The following ADARB2 variants were observed in gnomAD, a reference collection of about 807,000 sequenced individuals.
ADARB2 encodes the protein adenosine deaminase RNA specific B2 (inactive).
In ADARB2, 25 loss-of-function variants were observed where a neutral mutation model predicts 62.2. That is an observed-to-expected ratio of 0.40 (90% CI 0.29 to 0.56). The LOEUF is 0.56. Ranked by LOEUF, ADARB2 falls within the 20% of genes least tolerant of loss-of-function variation. ADARB2 has a pLI of 0.43. For missense variants in ADARB2, 1,071 were observed against 1,077.4 expected, an observed-to-expected ratio of 0.99 and a Z score of 0.08; for synonymous variants, 572 against 500.8, an observed-to-expected ratio of 1.14 and a Z score of -1.90.
chr10:1,395,089 T>C (rs1832600164), intron 1 of ADARB2, among the ~76,000 whole-genome samples: 1 of 152,252 alleles, frequency 6.6e-6, no homozygotes, highest in African/African-American at 2.4e-5. Flanking sequence ...GCTATTGTTT[T>C]ATATTCACTA....
rs1002574141 is a variant in ADARB2 at position 1,703,533 on chromosome 10, G to A, written c.100+33518C>T. 2.6e-5 allele frequency among the ~76,000 whole-genome samples: 4 copies of A among 152,106 alleles called. 1 individual carries two copies. Among genetic ancestry groups the A allele is most frequent in the East Asian group, 3.9e-4 (2 of 5,182 alleles). On this transcript the variant is annotated intron_variant, in intron 1 of 9. Coordinates refer to ENST00000381312, the MANE Select transcript of ADARB2 (RefSeq NM_018702.4). ...GGGGAGAGTTGATGGTGCAGGAGACGATGCAAGAACTGGAAAGTGAGGTAT... is the reference window on the plus strand; with the variant it reads ...GGGGAGAGTTGATGGTGCAGGAGACAATGCAAGAACTGGAAAGTGAGGTAT...
At chr10:1,500,008 G>T (rs1304880254) in intron 1 of ADARB2, among the ~76,000 whole-genome samples, 1 of 152,206 alleles carries the variant, frequency 6.6e-6, no homozygotes, top group African/African-American at 2.4e-5. Flanking sequence ...GCTATAAAAT[G>T]GTAGCCCACA....
Position 1,210,294 on chromosome 10 carries a change from C to T in ADARB2, c.1682+6657G>A, listed in dbSNP as rs1044551786. 5.3e-5 allele frequency among the ~76,000 whole-genome samples: 8 copies of T among 152,178 alleles called. No homozygotes were observed. In the East Asian group the frequency reaches 5.8e-4, roughly 11 times the overall value. On this transcript the variant is annotated intron_variant, in intron 7 of 9. Transcript: ENST00000381312. ...CTCATTTTAATACATGAAAGTGGCA[C>T]GAAGTCGGAGATCAAAAGCCAGCCA...
At chr10:1,480,202 G>T (rs1588272827) in intron 1 of ADARB2, among the ~76,000 whole-genome samples, 2 of 152,180 alleles carry the variant, frequency 1.3e-5, no homozygotes, top group African/African-American at 4.8e-5. Context: ...AATTAGGCAA[G>T]ATGAAAGAAG....
rs1834101407 is a variant in ADARB2 at position 1,650,878 on chromosome 10, C to T, written c.100+86173G>A. 2.0e-5 allele frequency among the ~76,000 whole-genome samples: 3 copies of T among 152,192 alleles called. No individual in the cohort carries two copies. The South Asian group carries it at 6.2e-4, about 32-fold the overall frequency. On this transcript the variant is annotated intron_variant, in intron 1 of 9. Transcript: ENST00000381312. ...CGTGGATGTAGCACGGTCACCAAAA[C>T]CCCGCGTGTCCGAGATGGTGGAGCA...
chr10:1,233,947 G>A (rs1183848583), intron 5 of ADARB2, 102 bp from the exon 6 acceptor site: 1 of 667,864 alleles, frequency 1.5e-6, no homozygotes, highest in African/African-American at 1.9e-5. Flanking sequence ...TGTTCCCCAA[G>A]TTTTCCTTTA....
chr10:1,220,257 GA>G (rs1452141854), intron 6 of ADARB2, among the ~76,000 whole-genome samples: 2 of 150,270 alleles, frequency 1.3e-5, no homozygotes, highest in Non-Finnish European at 3.0e-5. Flanking sequence ...TGGTGGTGGT[GA>G]TGATGGTGGT....
chr10:1,450,683 G>T (rs554140799), intron 1 of ADARB2, among the ~76,000 whole-genome samples: 1 of 152,340 alleles, frequency 6.6e-6, no homozygotes, highest in Admixed American at 6.5e-5. Context: ...TATTCTGAAG[G>T]TCATGGCAGG....
At chr10:1,548,234 A>T (rs1381284827) in intron 1 of ADARB2, among the ~76,000 whole-genome samples, 2 of 152,174 alleles carry the variant, frequency 1.3e-5, no homozygotes, top group African/African-American at 4.8e-5. Context: ...GGGGGAACTA[A>T]GCCCATTCCC....
At chr10:1,696,667 A>G (rs1834749954) in intron 1 of ADARB2, among the ~76,000 whole-genome samples, 1 of 152,186 alleles carries the variant, frequency 6.6e-6, no homozygotes, top group Admixed American at 6.5e-5. Context: ...CCGCTGAGAG[A>G]TGAATGCTTC....
intron 1 of ADARB2, among the ~76,000 whole-genome samples, chr10:1,488,134 TCTGA>T (rs1831566708): frequency 3.3e-5 from 5 of 152,110 alleles, no homozygotes; most frequent in Admixed American, 1.3e-4. Context: ...CTCTTAAGCA[TCTGA>T]CTATTTCATA....
chr10:1,551,127 G>A (rs1476470528), intron 1 of ADARB2, among the ~76,000 whole-genome samples: 1 of 152,110 alleles, frequency 6.6e-6, no homozygotes, highest in Non-Finnish European at 1.5e-5. Context: ...GTCCTTATAA[G>A]AAGAGGAGAT....
intron 3 of ADARB2, among the ~76,000 whole-genome samples, chr10:1,296,210 A>G (rs758300100): frequency 1.3e-5 from 2 of 152,202 alleles, no homozygotes; most frequent in Non-Finnish European, 2.9e-5. Flanking sequence ...TAAGACAAAC[A>G]TGAATGGGAG....
chr10:1,412,940 C>T (rs912509465), intron 1 of ADARB2, among the ~76,000 whole-genome samples: 2 of 152,216 alleles, frequency 1.3e-5, no homozygotes, highest in Non-Finnish European at 2.9e-5. Flanking sequence ...CTGCTGGTCC[C>T]CAGCCGCCCA....
chr10:1,333,852 G>C (rs1831950152), intron 3 of ADARB2, among the ~76,000 whole-genome samples: 1 of 152,130 alleles, frequency 6.6e-6, no homozygotes, highest in Non-Finnish European at 1.5e-5. Flanking sequence ...GGGACAAAAA[G>C]GCAGCCCAAA....
At chr10:1,525,353 A>G (rs1832127220) in intron 1 of ADARB2, among the ~76,000 whole-genome samples, 1 of 152,262 alleles carries the variant, frequency 6.6e-6, no homozygotes, top group Non-Finnish European at 1.5e-5. Context: ...TCACGATTTC[A>G]TCTGCGGGAG....
At chr10:1,245,200 G>A (rs1054026172) in intron 4 of ADARB2, among the ~76,000 whole-genome samples, 12 of 152,120 alleles carry the variant, frequency 7.9e-5, no homozygotes, top group Admixed American at 7.9e-4. Context: ...GCACAGCAAG[G>A]ACCGAATCCA....
intron 1 of ADARB2, among the ~76,000 whole-genome samples, chr10:1,473,532 C>G (rs561108768): frequency 6.0e-4 from 92 of 152,196 alleles, no homozygotes; most frequent in African/African-American, 2.2e-3. Context: ...GACGTGCCAC[C>G]ACCCTTGGCT....
chr10:1,513,544 C>T (rs911393938), intron 1 of ADARB2, among the ~76,000 whole-genome samples: 7 of 152,148 alleles, frequency 4.6e-5, no homozygotes, highest in Admixed American at 3.3e-4. Flanking sequence ...AGCCAGGAGT[C>T]TCTCATGATG....
Sources: gnomAD v4.1 joint callset for allele counts (sites outside exome capture counted in the v4.1 genomes callset) on GRCh38, gnomAD v4.1.1 for gene constraint, MANE v1.5 for transcripts, NCBI Gene and HGNC (gene_info 2026-07-23, HGNC 2026-07-21) for gene names.